PWWP3B: variants seen among roughly 807,000 people sequenced by gnomAD.
PWWP3B encodes the protein PWWP domain containing 3B.
PWWP3B carries 5 observed loss-of-function variants against 15.7 expected under a neutral mutation model. The ratio of observed to expected loss-of-function variants is 0.32; its 90% CI spans 0.17 to 0.67. PWWP3B has a LOEUF of 0.67. PWWP3B is among the 30% of genes least tolerant of loss of function. The pLI, the probability that PWWP3B is intolerant of heterozygous loss-of-function variation, is 0.74. For synonymous variants in PWWP3B, 203 were observed against 179.8 expected, an observed-to-expected ratio of 1.13 and a Z score of -1.03; for missense variants, 519 against 493.1, an observed-to-expected ratio of 1.05 and a Z score of -0.50.
At chrX:106,179,274 C>G (rs974469338) in intron 2 of PWWP3B, among the ~76,000 whole-genome samples, 6 of 112,253 alleles carry the variant, frequency 5.3e-5, no homozygotes, top group African/African-American at 1.6e-4. Flanking sequence ...GCTACATAGT[C>G]TGCCCCATAG....
intron 2 of PWWP3B, among the ~76,000 whole-genome samples, chrX:106,198,147 G>A (rs916467987): frequency 1.1e-4 from 12 of 110,306 alleles, no homozygotes; most frequent in African/African-American, 4.0e-4. Context: ...ACCATTTTTT[G>A]TATACGGTTC....
intron 2 of PWWP3B, among the ~76,000 whole-genome samples, chrX:106,183,951 C>T (rs1040744115): frequency 8.9e-6 from 1 of 111,796 alleles, no homozygotes; most frequent in Admixed American, 9.4e-5. Flanking sequence ...TGGACATGGG[C>T]GAGGAGGCAG....
At chrX:106,198,953 A>G (rs1330248660) in intron 2 of PWWP3B, among the ~76,000 whole-genome samples, 1 of 111,076 alleles carries the variant, frequency 9.0e-6, no homozygotes, top group Non-Finnish European at 1.9e-5. Flanking sequence ...AGCCATATAT[A>G]TATTGGCCTG....
chrX:106,205,666 T>C lies in PWWP3B; in HGVS notation c.234T>C (p.Ala78=), dbSNP rs1329362977. 2 of 1,209,753 alleles carry C rather than the reference T, an allele frequency of 1.7e-6. No homozygotes were observed. Among genetic ancestry groups the C allele is most frequent in the African/African-American group, 3.5e-5 (2 of 57,307 alleles). Residue 78 remains alanine, a synonymous_variant, in exon 4 of 4, where the codon GCT becomes GCC. Transcript: ENST00000357175. The part of the protein sequence containing the change: ...ASLGLQSEDS[A]PPTEETAYGR... ...TAGGACTACAGTCAGAGGACAGTGC[T>C]CCACCTACAGAGGAAACTGCCTATG...
chrX:106,187,677 C>CT (rs1395669756), intron 2 of PWWP3B, among the ~76,000 whole-genome samples: 6 of 111,268 alleles, frequency 5.4e-5, no homozygotes, highest in African/African-American at 9.8e-5. Flanking sequence ...GGATTGAACT[C>CT]TTTTTTTGCA....
rs1238887838 is a variant in PWWP3B, at chrX:106,206,092, G to A, written c.660G>A (p.Val220=). ...NKIDISAVMS[V]HSAVKEESAC... ...TTGATATCTCAGCAGTTATGTCTGT[G>A]CATTCTGCAGTCAAAGAGGAAAGTG... is the stretch of plus-strand genomic sequence containing the variant. Residue 220 remains valine (V), a synonymous_variant, in exon 4 of 4, where the codon GTG becomes GTA. Transcript: ENST00000357175. 4 of 1,210,973 alleles carry A rather than the reference G, an allele frequency of 3.3e-6. No homozygotes were observed. The highest frequency in any genetic ancestry group is 4.5e-6 in the Non-Finnish European group (4 of 894,981).
intron 2 of PWWP3B, among the ~76,000 whole-genome samples, chrX:106,189,232 A>C (rs1260366994): frequency 9.0e-6 from 1 of 111,297 alleles, no homozygotes; most frequent in Non-Finnish European, 1.9e-5. Flanking sequence ...TTTTTTTAAA[A>C]TTTTATTATT....
At chrX:106,190,625 T>C (rs1447385517) in intron 2 of PWWP3B, among the ~76,000 whole-genome samples, 1 of 111,986 alleles carries the variant, frequency 8.9e-6, no homozygotes, top group Non-Finnish European at 1.9e-5. Flanking sequence ...TGCCCATGCC[T>C]ATGTCCTGAA....
At chrX:106,187,842 T>C (rs777721531) in intron 2 of PWWP3B, among the ~76,000 whole-genome samples, 1 of 112,045 alleles carries the variant, frequency 8.9e-6, no homozygotes, top group East Asian at 2.8e-4. Flanking sequence ...ATAGTTGTTA[T>C]ATGGACCTTA....
rs753747249 is a variant in PWWP3B at position 106,206,952 on chromosome X, A to G, written c.1520A>G (p.Gln507Arg). 8.3e-7 allele frequency: 1 copy of G among 1,211,691 alleles called. No individual in the cohort carries two copies. Among genetic ancestry groups the G allele is most frequent in the Non-Finnish European group, 1.1e-6 (1 of 895,444 alleles). Residue 507 changes from glutamine (Q) to arginine (R), a missense_variant, in exon 4 of 4, where the codon CAG (glutamine) becomes CGG (arginine). Transcript: ENST00000357175. ...ISYPVRKETK[Q>R]DTFRNKFPKL... ...TACCCAGTTAGGAAAGAAACAAAAC[A>G]GGATACTTTCAGGAACAAATTTCCA... is the stretch of plus-strand genomic sequence containing the variant.
intron 3 of PWWP3B, among the ~76,000 whole-genome samples, chrX:106,204,433 A>C (rs757925645): frequency 1.7e-4 from 19 of 112,293 alleles, no homozygotes; most frequent in Non-Finnish European, 3.4e-4. Flanking sequence ...TAAAGAAATC[A>C]TGCAAGAGGC....
At chrX:106,186,088 G>T (rs113689404) in intron 2 of PWWP3B, among the ~76,000 whole-genome samples, 9,444 of 111,288 alleles carry the variant, frequency 0.085, 986 homozygotes, top group African/African-American at 0.29. Flanking sequence ...TTAGAAGTGG[G>T]ACTAGCCTTG....
In PWWP3B at chrX:106,207,039, C is replaced by G. The variant is rs762967753; in HGVS notation, c.1607C>G (p.Ser536Cys). The G allele has an allele frequency of 8.3e-7, 1 of 1,206,808 alleles. No individual in the cohort carries two copies. The highest frequency in any genetic ancestry group is 1.7e-5 in the African/African-American group (1 of 57,155). ...MAVTSQTKKM[S>C]FQKILPDRMK... is the part of the protein sequence containing the mutation. ...GTAACTTCCCAGACCAAGAAAATGT[C>G]CTTCCAAAAAATTCTCCCTGACCGG... Residue 536 changes from serine to cysteine, a missense_variant, in exon 4 of 4, where the codon TCC becomes TGC. Physicochemically the swap from Ser to Cys is moderately radical, Grantham distance 112. Transcript: ENST00000357175.
Position 106,182,306 on chromosome X carries a change from T to A in PWWP3B, c.-401+11167T>A, listed in dbSNP as rs769929015. Among the ~76,000 whole-genome samples the A allele has an allele frequency of 9.9e-5, 11 of 111,548 alleles. No homozygotes were observed. The East Asian group carries it at 3.1e-3, about 32-fold the overall frequency. On this transcript the variant is annotated intron_variant, in intron 2 of 3. Transcript: ENST00000357175. ...GTAGCAGTAGTCATTCCTAACCCTA[T>A]AAGTAGGGGTATTAGTTGTATGGCT...
intron 2 of PWWP3B, among the ~76,000 whole-genome samples, chrX:106,191,650 C>G (rs1240370987): frequency 1.8e-5 from 2 of 111,183 alleles, no homozygotes; most frequent in Non-Finnish European, 3.8e-5. Flanking sequence ...CAGTTTTTGC[C>G]CATTCAGTAT....
intron 2 of PWWP3B, among the ~76,000 whole-genome samples, chrX:106,189,113 C>T (rs1922705788): frequency 8.9e-6 from 1 of 112,360 alleles, no homozygotes; most frequent in Admixed American, 9.4e-5. Flanking sequence ...TGCATTTCCA[C>T]CAGCAATGTA....
Position 106,206,490 on chromosome X carries a change from A to G in PWWP3B, c.1058A>G (p.Gln353Arg). 8.3e-7 allele frequency: 1 copy of G among 1,208,923 alleles called. No individual in the cohort carries two copies. The highest frequency in any genetic ancestry group is 1.8e-5 in the South Asian group (1 of 56,290). ...LDFEELEEEG[Q>R]ASDKSLLPSR... ...TTTGAAGAACTTGAGGAAGAAGGTC[A>G]AGCCTCTGACAAGTCATTGCTTCCA... Residue 353 changes from glutamine to arginine, a missense_variant, in exon 4 of 4, where the codon CAA becomes CGA. Transcript: ENST00000357175.
chrX:106,207,519 A>G lies in PWWP3B; in HGVS notation c.2087A>G (p.His696Arg). ...CGAAAAGCACCAACAAATGAAGCTC[A>G]CTAAATGTGCTGAAAGTTGAAACCA... ...KRRKAPTNEA[H>R] is the part of the protein sequence containing the mutation. Residue 696 changes from histidine to arginine, a missense_variant, in exon 4 of 4, where the codon CAC (histidine) becomes CGC (arginine). His to Arg is a conservative substitution (Grantham distance 29). Coordinates refer to ENST00000357175, the MANE Select transcript of PWWP3B (RefSeq NM_001171020.2). 1.8e-6 allele frequency: 2 copies of G among 1,134,277 alleles called. No homozygotes were observed. Among genetic ancestry groups the G allele is most frequent in the Non-Finnish European group, 2.3e-6 (2 of 859,794 alleles). The allele number at this position is 1,134,277 out of a possible 1,213,427, so 93.5% of individuals were successfully genotyped here.
In PWWP3B at chrX:106,205,323, G is replaced by A. The variant is rs1602874219; in HGVS notation, c.-110G>A. 2 of 763,859 alleles carry A rather than the reference G, an allele frequency of 2.6e-6. No homozygotes were observed. The highest frequency in any genetic ancestry group is 1.8e-6 in the Non-Finnish European group (1 of 546,587). The allele number at this position is 763,859 out of a possible 1,213,427, so 63.0% of individuals were successfully genotyped here. A position where few individuals can be genotyped will look rare whatever the true frequency, so the allele number is the denominator to read the frequency against. ...TGTAAACCCTTTGTAGTCATAAGAC[G>A]AAAGAGGATTTGTTAAGAGTATTGT... On this transcript the variant is annotated 5_prime_UTR_variant, in exon 4 of 4. Coordinates refer to ENST00000357175, the MANE Select transcript of PWWP3B (RefSeq NM_001171020.2).
Sources: allele counts gnomAD v4.1 joint callset (sites outside exome capture counted in the v4.1 genomes callset), GRCh38; gene constraint gnomAD v4.1.1; transcripts MANE v1.5; gene names NCBI Gene and HGNC (gene_info 2026-07-23, HGNC 2026-07-21).